The following PPARGC1A variants were observed in gnomAD, a reference collection of about 807,000 sequenced individuals.
PPARGC1A encodes the protein PPARG coactivator 1 alpha.
A neutral mutation model predicts 88.7 loss-of-function variants in PPARGC1A; 25 were observed. The ratio of observed to expected loss-of-function variants is 0.28; its 90% confidence interval spans 0.21 to 0.39. The LOEUF (loss-of-function observed/expected upper bound fraction) is 0.39, where lower values mean the gene tolerates loss of function less well. Ranked by LOEUF, PPARGC1A falls within the 10% of genes least tolerant of loss-of-function variation. The pLI, the probability that PPARGC1A is intolerant of heterozygous loss-of-function variation, is 1.00. For synonymous variants in PPARGC1A, 363 were observed against 355.6 expected (o/e 1.02, Z -0.24); for missense variants, 880 against 968.7 (o/e 0.91, Z 1.22).
chr4:24,287,540 A>G, the PPARGC1A span, among the ~76,000 whole-genome samples: 1 of 151,990 alleles, frequency 6.6e-6, no homozygotes, highest in African/African-American at 2.4e-5. Flanking sequence ...AAAATCAAGC[A>G]AAGTACCATT....
chr4:24,457,473 A>G, the PPARGC1A span, among the ~76,000 whole-genome samples: 1 of 152,194 alleles, frequency 6.6e-6, no homozygotes, highest in Non-Finnish European at 1.5e-5. Flanking sequence ...CATAGGATAT[A>G]GTCAACATTC....
chr4:24,077,284 C>T, the PPARGC1A span, among the ~76,000 whole-genome samples: 6 of 152,100 alleles, frequency 3.9e-5, no homozygotes, highest in African/African-American at 2.4e-5. Context: ...AGGCACATCT[C>T]GTTTAGTGGC....
At chr4:24,326,956 T>G in the PPARGC1A span, among the ~76,000 whole-genome samples, 3,937 of 152,292 alleles carry the variant, frequency 0.026, 177 homozygotes, top group African/African-American at 0.09. Context: ...TTCCTCAGTT[T>G]AGGCTTCCCA....
the PPARGC1A span, among the ~76,000 whole-genome samples, chr4:24,262,092 C>T: frequency 6.6e-6 from 1 of 152,244 alleles, no homozygotes; most frequent in South Asian, 2.1e-4. Flanking sequence ...CTAAGACCTG[C>T]CCTCCCAACC....
the PPARGC1A span, among the ~76,000 whole-genome samples, chr4:24,455,156 C>T: frequency 0.2 from 30,931 of 152,118 alleles, 3,648 homozygotes; most frequent in East Asian, 0.26. Context: ...TTTAGCAAAG[C>T]ATTGAAGGCT....
the PPARGC1A span, among the ~76,000 whole-genome samples, chr4:23,928,919 G>T: frequency 6.6e-6 from 1 of 152,016 alleles, no homozygotes; most frequent in Non-Finnish European, 1.5e-5. Flanking sequence ...TAAGGGAGCT[G>T]AACAATGAGA....
chr4:24,205,188 C>A, the PPARGC1A span, among the ~76,000 whole-genome samples: 2 of 152,146 alleles, frequency 1.3e-5, no homozygotes, highest in Admixed American at 1.3e-4. Context: ...ACCATGTGTT[C>A]TTCTTACATT....
the PPARGC1A span, among the ~76,000 whole-genome samples, chr4:24,060,005 A>T: frequency 2.0e-5 from 3 of 152,184 alleles, no homozygotes; most frequent in African/African-American, 4.8e-5. Context: ...CTGGGACGTC[A>T]CAGCAGGCAC....
chr4:24,013,171 G>A, the PPARGC1A span, among the ~76,000 whole-genome samples: 1 of 152,094 alleles, frequency 6.6e-6, no homozygotes, highest in African/African-American at 2.4e-5. Context: ...TACCTTGGCA[G>A]CACTAACGTA....
the PPARGC1A span, among the ~76,000 whole-genome samples, chr4:24,110,996 C>T: frequency 2.0e-5 from 3 of 152,156 alleles, no homozygotes; most frequent in African/African-American, 7.2e-5. Context: ...TTATTTCACA[C>T]TGACTTTGAT....
chr4:23,824,420 C>T (rs766654992), intron 6 of PPARGC1A, 43 bp downstream of exon 6: 1 of 1,604,186 alleles, frequency 6.2e-7, no homozygotes, highest in Admixed American at 1.7e-5. Flanking sequence ...TGTATTAGAA[C>T]CCCCTTCCCT....
At chr4:24,213,075 T>C in the PPARGC1A span, among the ~76,000 whole-genome samples, 119,405 of 151,460 alleles carry the variant, frequency 0.79, 49,501 homozygotes, top group South Asian at 0.93. Flanking sequence ...AGAGTCTTCA[T>C]GTCATGCTTC....
the PPARGC1A span, chr4:24,091,429 G>A: frequency 1.0e-6 from 1 of 983,950 alleles, no homozygotes; most frequent in Non-Finnish European, 1.2e-6. Context: ...AGAGTTGAGA[G>A]AGATTTGGGT....
chr4:24,239,196 T>C, the PPARGC1A span, among the ~76,000 whole-genome samples: 1 of 152,308 alleles, frequency 6.6e-6, no homozygotes, highest in Non-Finnish European at 1.5e-5. Flanking sequence ...GCATCTACTA[T>C]GGATCAGGTA....
At chr4:24,211,400 C>A in the PPARGC1A span, among the ~76,000 whole-genome samples, 1 of 152,206 alleles carries the variant, frequency 6.6e-6, no homozygotes, top group Non-Finnish European at 1.5e-5. Flanking sequence ...TGTCACTCCC[C>A]TGAGTGCAGC....
the PPARGC1A span, among the ~76,000 whole-genome samples, chr4:24,236,749 T>G: frequency 6.6e-6 from 1 of 152,222 alleles, no homozygotes; most frequent in African/African-American, 2.4e-5. Flanking sequence ...CTAGTGTTTT[T>G]GAAACACTCT....
At chr4:24,211,904 T>C in the PPARGC1A span, among the ~76,000 whole-genome samples, 1 of 152,190 alleles carries the variant, frequency 6.6e-6, no homozygotes, top group African/African-American at 2.4e-5. Flanking sequence ...TTTCCTACTG[T>C]TTCATCGCCT....
chr4:23,846,007 A>T, intron 2 of PPARGC1A, among the ~76,000 whole-genome samples: 1 of 152,054 alleles, frequency 6.6e-6, no homozygotes, highest in Admixed American at 6.6e-5. Context: ...GTGGAGAAGC[A>T]TATGACATTG....
the PPARGC1A span, among the ~76,000 whole-genome samples, chr4:24,470,415 G>A: frequency 1.3e-5 from 2 of 152,116 alleles, no homozygotes; most frequent in South Asian, 4.1e-4. This position sits in a 1 kb window ranked among gnomAD's most constrained non-coding sequence, Gnocchi z 5.8. Context: ...GCAATCCTGG[G>A]CGGATGCAAG....
Sources: allele counts gnomAD v4.1 joint callset (sites outside exome capture counted in the v4.1 genomes callset), GRCh38; gene constraint gnomAD v4.1.1; non-coding constraint Gnocchi (gnomAD v3.1); transcripts MANE v1.5; gene names NCBI Gene and HGNC (gene_info 2026-07-23, HGNC 2026-07-21).